COL26A1: variants seen among roughly 807,000 people sequenced by gnomAD.
COL26A1 encodes the protein collagen alpha-1(XXVI) chain.
A neutral mutation model predicts 59.3 loss-of-function variants in COL26A1; 41 were observed. That is an observed-to-expected ratio of 0.69 (90% CI 0.54 to 0.90). COL26A1 has a LOEUF of 0.90. Ranked by LOEUF, COL26A1 falls within the 40% of genes least tolerant of loss-of-function variation. The pLI is 0.00. For missense variants in COL26A1, 612 were observed against 602.3 expected, an observed-to-expected ratio of 1.02 and a Z score of -0.17; for synonymous variants, 266 against 256.0, an observed-to-expected ratio of 1.04 and a Z score of -0.37.
intron 3 of COL26A1, among the ~76,000 whole-genome samples, chr7:101,512,674 T>C (rs1223747636): frequency 6.6e-6 from 1 of 152,112 alleles, no homozygotes; most frequent in Non-Finnish European, 1.5e-5. Context: ...TGGCCCTACC[T>C]CTGTGACCAC....
intron 1 of COL26A1, among the ~76,000 whole-genome samples, chr7:101,391,113 G>A (rs1791718784): frequency 6.6e-6 from 1 of 152,194 alleles, no homozygotes; most frequent in Admixed American, 6.5e-5. Flanking sequence ...GGATGGGGAG[G>A]GCCCCAGCCC....
intron 3 of COL26A1, among the ~76,000 whole-genome samples, chr7:101,481,662 G>A (rs868014174): frequency 2.0e-5 from 3 of 151,608 alleles, no homozygotes; most frequent in South Asian, 4.2e-4. Context: ...TGTTGCGCAG[G>A]CTTGACTTGA....
intron 4 of COL26A1, among the ~76,000 whole-genome samples, chr7:101,539,445 C>T (rs1018072773): frequency 1.3e-5 from 2 of 151,996 alleles, no homozygotes; most frequent in Non-Finnish European, 2.9e-5. Flanking sequence ...CTGGGCTCAG[C>T]CTCCTGAGTA....
At chr7:101,488,403 T>G (rs1273443076) in intron 3 of COL26A1, among the ~76,000 whole-genome samples, 3 of 144,886 alleles carry the variant, frequency 2.1e-5, no homozygotes, top group African/African-American at 5.1e-5. Flanking sequence ...TTTTCCAGAG[T>G]CTAACTCTGT....
chr7:101,520,004 C>T (rs1166728565), intron 3 of COL26A1, among the ~76,000 whole-genome samples: 1 of 152,118 alleles, frequency 6.6e-6, no homozygotes, highest in Non-Finnish European at 1.5e-5. Context: ...CTCTCAGTGG[C>T]CCTCAGTTTT....
At position 101,549,163 on chromosome 7, in the gene COL26A1, G is replaced by A. The variant is rs917455437; in HGVS notation, c.941-8G>A. The A allele has an allele frequency of 1.9e-6, 3 of 1,575,764 alleles. No homozygotes were observed. Among genetic ancestry groups the A allele is most frequent in the Non-Finnish European group, 8.6e-7 (1 of 1,161,620 alleles). On this transcript the variant is annotated splice_region_variant and splice_polypyrimidine_tract_variant and intron_variant, in intron 8 of 12. Transcript: ENST00000313669. ...GCCCCAGGTGACCATCTGTGACTCT[G>A]CCCACAGGTCCCCCTGGGCCTCGAG...
At position 101,494,220 on chromosome 7, in the gene COL26A1, G is replaced by A. The variant is rs1207972146; in HGVS notation, c.386-38862G>A. ...TAGCTCACTGCAAACTCCGCTGTCT[G>A]GCTTCAAGCAATTCTCCTTCCTCAG... On this transcript the variant is annotated intron_variant, in intron 3 of 12. Transcript: ENST00000313669. 5.3e-5 allele frequency among the ~76,000 whole-genome samples: 8 copies of A among 151,958 alleles called. No homozygotes were observed. The South Asian group carries it at 1.3e-3, about 24-fold the overall frequency.
At chr7:101,392,897 C>T (rs1791765861) in intron 1 of COL26A1, among the ~76,000 whole-genome samples, 1 of 150,936 alleles carries the variant, frequency 6.6e-6, no homozygotes, top group Admixed American at 6.6e-5. Flanking sequence ...ATAGGTAAGT[C>T]CTAATCCCTG....
At chr7:101,403,527 C>CAACAA (rs140420153) in intron 1 of COL26A1, among the ~76,000 whole-genome samples, 15 of 151,476 alleles carry the variant, frequency 9.9e-5, no homozygotes, top group East Asian at 2.0e-4. Context: ...TCAACAACAA[C>CAACAA]AACAAAACAA....
rs1444926372 is a variant in COL26A1 at position 101,442,304 on chromosome 7, G to A, written c.282-5380G>A. On this transcript the variant is annotated intron_variant, in intron 2 of 12. Coordinates refer to ENST00000313669, the MANE Select transcript of COL26A1 (RefSeq NM_001278563.3). Reference sequence around the variant, plus strand: ...ATCTGCGGCAGCAAGAGGGTTGTGAGCCCTTTCTGTTTTTCTAGGTCTTTC... The same window carrying A: ...ATCTGCGGCAGCAAGAGGGTTGTGAACCCTTTCTGTTTTTCTAGGTCTTTC... 2.0e-5 allele frequency among the ~76,000 whole-genome samples: 3 copies of A among 150,758 alleles called. No homozygotes were observed. In the East Asian group the frequency reaches 5.8e-4, roughly 29 times the overall value.
At chr7:101,489,527 C>A (rs932253703) in intron 3 of COL26A1, among the ~76,000 whole-genome samples, 5 of 152,098 alleles carry the variant, frequency 3.3e-5, no homozygotes, top group African/African-American at 1.2e-4. Flanking sequence ...AACTCCTGGG[C>A]TCAAGAGATC....
chr7:101,414,372 G>A (rs1792319944), intron 1 of COL26A1, among the ~76,000 whole-genome samples: 1 of 147,690 alleles, frequency 6.8e-6, no homozygotes, highest in Non-Finnish European at 1.5e-5. Context: ...ACCATCCTGA[G>A]GAAAGTCACC....
chr7:101,532,849 A>G (rs937712629), intron 3 of COL26A1, among the ~76,000 whole-genome samples: 21 of 152,318 alleles, frequency 1.4e-4, no homozygotes, highest in African/African-American at 5.1e-4. Context: ...GTCTGAATAA[A>G]CAGACAGTAT....
chr7:101,470,245 G>A (rs968965001), intron 3 of COL26A1, among the ~76,000 whole-genome samples: 23 of 151,830 alleles, frequency 1.5e-4, no homozygotes, highest in Non-Finnish European at 2.8e-4. Flanking sequence ...GATTACAGGC[G>A]CGCACCGCCA....
intron 2 of COL26A1, among the ~76,000 whole-genome samples, chr7:101,440,975 C>CA (rs71891771): frequency 0.022 from 2,226 of 100,120 alleles, 24 homozygotes; most frequent in Middle Eastern, 0.033. Context: ...GACTCCGTCT[C>CA]AAAAAAAAAA....
chr7:101,528,286 A>G (rs1238826076), intron 3 of COL26A1, among the ~76,000 whole-genome samples: 1 of 152,108 alleles, frequency 6.6e-6, no homozygotes, highest in African/African-American at 2.4e-5. Flanking sequence ...CTGAACTTCC[A>G]CCATGCAGGG....
chr7:101,503,122 C>T (rs912283648), intron 3 of COL26A1, among the ~76,000 whole-genome samples: 4 of 152,274 alleles, frequency 2.6e-5, no homozygotes, highest in Admixed American at 2.6e-4. Context: ...GTTGTGATTT[C>T]TTCTCTCATC....
At chr7:101,387,770 A>ATTTTT (rs1304839639) in intron 1 of COL26A1, among the ~76,000 whole-genome samples, 14 of 36,538 alleles carry the variant, frequency 3.8e-4, no homozygotes, top group African/African-American at 8.3e-4. Flanking sequence ...ATATATATAT[A>ATTTTT]TATATATATT....
intron 3 of COL26A1, among the ~76,000 whole-genome samples, chr7:101,469,244 G>A (rs567626015): frequency 1.2e-4 from 18 of 152,260 alleles, no homozygotes; most frequent in African/African-American, 4.3e-4. Context: ...AGCTATGCTG[G>A]TAGCTATTTA....
Sources: gnomAD v4.1 joint callset for allele counts (sites outside exome capture counted in the v4.1 genomes callset) on GRCh38, gnomAD v4.1.1 for gene constraint, MANE v1.5 for transcripts, NCBI Gene and HGNC (gene_info 2026-07-23, HGNC 2026-07-21) for gene names.